TMEM154: variants seen among roughly 807,000 people sequenced by gnomAD.
TMEM154 encodes transmembrane protein 154.
In TMEM154, 27 loss-of-function variants were observed where a neutral mutation model predicts 24.5. The ratio of observed to expected loss-of-function variants is 1.10; its 90% CI spans 0.81 to 1.52. TMEM154 has a LOEUF of 1.52. TMEM154 is among the 40% of genes most tolerant of loss of function. TMEM154 has a pLI of 0.00. For synonymous variants in TMEM154, 67 were observed against 76.8 expected (o/e 0.87, Z 0.67); for missense variants, 228 against 213.4 (o/e 1.07, Z -0.43).
Position 152,650,004 on chromosome 4 carries a change from C to T in TMEM154, c.364+2534G>A, listed in dbSNP as rs62320821. On this transcript the variant is annotated intron_variant, in intron 3 of 6. Transcript: ENST00000304385. ...TAAAATACTTCATTGCTAGAAAATG[C>T]TAACGATCATCTGAGCCTTCCGCAA... Among the ~76,000 whole-genome samples the T allele has an allele frequency of 5.1e-3, 774 of 152,300 alleles. 18 individuals are homozygous for T. The highest frequency in any genetic ancestry group is 3.6e-3 in the Non-Finnish European group (244 of 68,030).
rs1447119870 is a variant in TMEM154 at position 152,624,103 on chromosome 4, T to C, written c.*4443A>G. The C allele has an allele frequency of 6.6e-6, 1 of 152,204 alleles. No homozygotes were observed. Among genetic ancestry groups the C allele is most frequent in the Non-Finnish European group, 1.5e-5 (1 of 68,028 alleles). 9.4% of individuals were successfully genotyped at this position (152,204 alleles called of 1,614,324 possible). A position where few individuals can be genotyped will look rare whatever the true frequency, so the allele number is the denominator to read the frequency against. On this transcript the variant is annotated 3_prime_UTR_variant, in exon 7 of 7. Transcript: ENST00000304385. ...ACATTGTACTTCTAAACTTGTACAG[T>C]CTTCATGAAATTAACATCTTCATGT...
chr4:152,637,107 G>A (rs2149779224), intron 6 of TMEM154, among the ~76,000 whole-genome samples: 1 of 152,280 alleles, frequency 6.6e-6, no homozygotes, highest in African/African-American at 2.4e-5. Flanking sequence ...AGGGCAGAGG[G>A]TATATGGGAA....
At chr4:152,644,817 C>T (rs4443258) in intron 3 of TMEM154, among the ~76,000 whole-genome samples, 78,345 of 152,072 alleles carry the variant, frequency 0.52, 21,152 homozygotes, top group Non-Finnish European at 0.61. Context: ...GATCTAAAGG[C>T]TGCTGCTTCA....
intron 1 of TMEM154, among the ~76,000 whole-genome samples, chr4:152,664,889 A>C (rs1020421365): frequency 2.0e-5 from 3 of 152,240 alleles, no homozygotes; most frequent in Non-Finnish European, 4.4e-5. Flanking sequence ...AGGATGATCA[A>C]GAAATCACAC....
At chr4:152,669,207 G>T (rs1728780644) in intron 1 of TMEM154, 1 of 151,664 alleles carries the variant, frequency 6.6e-6, no homozygotes, top group African/African-American at 2.4e-5. Flanking sequence ...TTTTTTTTCA[G>T]AAATGGTCTC....
chr4:152,629,333 A>C (rs1379775457), intron 6 of TMEM154, among the ~76,000 whole-genome samples: 1 of 152,224 alleles, frequency 6.6e-6, no homozygotes, highest in Non-Finnish European at 1.5e-5. Context: ...TCATACCTAC[A>C]AAGGAGCTGA....
Position 152,652,519 on chromosome 4 carries a change from G to A in TMEM154, c.364+19C>T, listed in dbSNP as rs537708110. ...CAATCCCACCCCCACCTGTAGGCAG[G>A]TTTTAGGATAATACTCACATGTCTG... On this transcript the variant is annotated intron_variant, in intron 3 of 6. Coordinates refer to ENST00000304385, the MANE Select transcript of TMEM154 (RefSeq NM_152680.3). 6.2e-7 allele frequency: 1 copy of A among 1,613,620 alleles called. No homozygotes were observed. Among genetic ancestry groups the A allele is most frequent in the Admixed American group, 1.7e-5 (1 of 59,936 alleles).
chr4:152,631,847 C>T (rs1752050734), intron 6 of TMEM154, among the ~76,000 whole-genome samples: 1 of 117,350 alleles, frequency 8.5e-6, no homozygotes, highest in Non-Finnish European at 1.6e-5. Flanking sequence ...CTCTGTCACC[C>T]AGGCTGGAGT....
rs1191521310 is a variant in TMEM154, at chr4:152,652,868, T to C, written c.124A>G (p.Lys42Glu). ...GCAAATGTGCTTGGAATAGTCACTT[T>C]ATTTGGTCTTTCAGATTCCACAGTT... ...DTTVESERPN[K>E]VTIPSTFAAV... The change falls in exon 2 of 7, where the codon AAA becomes GAA. Residue 42 changes from lysine (K) to glutamate (E), a missense_variant. Physicochemically the swap from Lys to Glu is moderately conservative, Grantham distance 56. Coordinates refer to ENST00000304385, the MANE Select transcript of TMEM154 (RefSeq NM_152680.3). 2 of 1,613,758 alleles carry C rather than the reference T, an allele frequency of 1.2e-6. No individual in the cohort carries two copies. The highest frequency in any genetic ancestry group is 8.5e-7 in the Non-Finnish European group (1 of 1,179,908).
chr4:152,646,209 A>G (rs1728225874), intron 3 of TMEM154, among the ~76,000 whole-genome samples: 1 of 152,062 alleles, frequency 6.6e-6, no homozygotes. Context: ...GGGCATGGAT[A>G]TATCTTTATA....
chr4:152,677,918 T>C (rs1287931788), intron 1 of TMEM154, among the ~76,000 whole-genome samples: 1 of 152,180 alleles, frequency 6.6e-6, no homozygotes, highest in Admixed American at 6.5e-5. Context: ...CACAGCCAGT[T>C]GGGAGGCATG....
At chr4:152,647,654 A>G (rs1312353887) in intron 3 of TMEM154, among the ~76,000 whole-genome samples, 1 of 152,228 alleles carries the variant, frequency 6.6e-6, no homozygotes, top group African/African-American at 2.4e-5. Flanking sequence ...TAAACATTCT[A>G]ATGTTCTTTA....
chr4:152,657,194 G>T (rs754111990), intron 1 of TMEM154, among the ~76,000 whole-genome samples: 2 of 148,904 alleles, frequency 1.3e-5, no homozygotes, highest in Non-Finnish European at 3.0e-5. Flanking sequence ...AGAAGGCAAA[G>T]AGAAAATGAG....
intron 1 of TMEM154, among the ~76,000 whole-genome samples, chr4:152,658,895 C>G (rs1426951173): frequency 6.6e-6 from 1 of 151,926 alleles, no homozygotes; most frequent in Non-Finnish European, 1.5e-5. Context: ...GATAAGGGAA[C>G]TCTTACACAC....
chr4:152,652,472 T>C, intron 3 of TMEM154, 66 bp downstream of exon 3: 1 of 1,593,478 alleles, frequency 6.3e-7, no homozygotes, highest in Non-Finnish European at 8.5e-7. Flanking sequence ...TGCTTAATTT[T>C]AAAACATCTC....
chr4:152,649,633 G>T (rs1728334765), intron 3 of TMEM154, among the ~76,000 whole-genome samples: 1 of 152,164 alleles, frequency 6.6e-6, no homozygotes, highest in African/African-American at 2.4e-5. Flanking sequence ...TCTTCTGGTG[G>T]TGATGACCCC....
At chr4:152,628,612 C>T (rs754723131) in intron 6 of TMEM154, 51 bp from the exon 7 acceptor site, 2 of 1,186,124 alleles carry the variant, frequency 1.7e-6, no homozygotes, top group East Asian at 4.8e-5. Context: ...CACACACACA[C>T]ACACAAAACA....
chr4:152,664,375 G>T (rs572678958), intron 1 of TMEM154, among the ~76,000 whole-genome samples: 16 of 126,606 alleles, frequency 1.3e-4, no homozygotes, highest in Admixed American at 3.9e-4. Flanking sequence ...GGCCTGTCGT[G>T]GCGGGGGGGT....
intron 1 of TMEM154, among the ~76,000 whole-genome samples, chr4:152,665,702 C>T (rs1175325547): frequency 6.6e-6 from 1 of 152,098 alleles, no homozygotes; most frequent in East Asian, 1.9e-4. Flanking sequence ...ATTGGAAACA[C>T]CTACAGCCCT....
Sources: allele counts gnomAD v4.1 joint callset (sites outside exome capture counted in the v4.1 genomes callset), GRCh38; gene constraint gnomAD v4.1.1; transcripts MANE v1.5; gene names NCBI Gene and HGNC (gene_info 2026-07-23, HGNC 2026-07-21).